DDB1: variants seen among roughly 807,000 people sequenced by gnomAD.
The protein encoded by DDB1 is damage specific DNA binding protein 1, also known as DNA damage-binding protein 1.
DDB1 carries 18 observed loss-of-function variants against 133.1 expected under a neutral mutation model. The observed-to-expected ratio is 0.14, with a 90% CI of 0.09 to 0.20. DDB1 has a LOEUF of 0.20. DDB1 is among the 10% of genes least tolerant of loss of function. The pLI is 1.00. For missense variants in DDB1, 828 were observed against 1,459.2 expected, an observed-to-expected ratio of 0.57 and a Z score of 7.05; for synonymous variants, 580 against 550.5, an observed-to-expected ratio of 1.05 and a Z score of -0.75.
At chr11:61,316,751 G>A (rs777911860) in intron 10 of DDB1, among the ~76,000 whole-genome samples, 184 bp from the exon 11 acceptor site, 3 of 150,928 alleles carry the variant, frequency 2.0e-5, no homozygotes, top group Non-Finnish European at 4.4e-5. Context: ...GAGAGACCTT[G>A]TCCCTGCTAA....
intron 9 of DDB1, 32 bp downstream of exon 9, chr11:61,322,264 T>C: frequency 1.9e-6 from 3 of 1,555,552 alleles, no homozygotes; most frequent in Non-Finnish European, 2.7e-6. Flanking sequence ...AGTGGGCATA[T>C]ACCAACTATC....
chr11:61,321,530 C>G, intron 10 of DDB1, 65 bp downstream of exon 10: 1 of 1,509,866 alleles, frequency 6.6e-7, no homozygotes, highest in Non-Finnish European at 9.2e-7. Flanking sequence ...AACGCCTTCA[C>G]AACATGTAAC....
At chr11:61,315,017 A>G (rs1325798489) in intron 12 of DDB1, 3 of 151,844 alleles carry the variant, frequency 2.0e-5, no homozygotes, top group Non-Finnish European at 4.4e-5. Flanking sequence ...TTGAGTAGAG[A>G]TGGGGTTTCA....
chr11:61,327,965 A>G (rs557396006), intron 4 of DDB1, among the ~76,000 whole-genome samples: 2 of 152,370 alleles, frequency 1.3e-5, no homozygotes, highest in African/African-American at 4.8e-5. Flanking sequence ...TTGGCTGATG[A>G]AAACATTTTC....
chr11:61,331,057 T>C (rs1241188958), intron 2 of DDB1, among the ~76,000 whole-genome samples: 1 of 152,162 alleles, frequency 6.6e-6, no homozygotes, highest in Non-Finnish European at 1.5e-5. Context: ...ATCTGAAAGG[T>C]GCCTTAAGTG....
intron 5 of DDB1, among the ~76,000 whole-genome samples, chr11:61,326,539 C>G (rs1856273586): frequency 6.6e-6 from 1 of 151,984 alleles, no homozygotes; most frequent in African/African-American, 2.4e-5. Context: ...ATAGTCAATC[C>G]CTCCACCCAA....
In DDB1 at chr11:61,333,012, G is replaced by A. The variant is rs1344751854; in HGVS notation, c.-44C>T. 1.4e-6 allele frequency: 2 copies of A among 1,458,256 alleles called. No homozygotes were observed. The highest frequency in any genetic ancestry group is 1.5e-5 in the African/African-American group (1 of 67,714). The allele number at this position is 1,458,256 out of a possible 1,614,324, so 90.3% of individuals were successfully genotyped here. ...CCGTCGGGACTCGAGCGCGACACTAGAAAGAGGGACACAAGCGAAAAGACA... is the reference window on the plus strand; with the variant it reads ...CCGTCGGGACTCGAGCGCGACACTAAAAAGAGGGACACAAGCGAAAAGACA... On this transcript the variant is annotated 5_prime_UTR_variant, in exon 1 of 27. Transcript: ENST00000301764.
chr11:61,306,072 C>T (rs967520174), intron 21 of DDB1, among the ~76,000 whole-genome samples: 13 of 152,164 alleles, frequency 8.5e-5, no homozygotes, highest in African/African-American at 2.7e-4. Flanking sequence ...TGACATACAT[C>T]GCTCATATAA....
Position 61,324,065 on chromosome 11 carries a change from G to A in DDB1, c.835C>T (p.Arg279Trp). 6.2e-7 allele frequency: 1 copy of A among 1,614,146 alleles called. No homozygotes were observed. The highest frequency in any genetic ancestry group is 8.5e-7 in the Non-Finnish European group (1 of 1,180,024). ...TTCTCCAAAAGCAGCATGAAGAGCCGGCCTTCCATGTCTCCCAGCAGGTAT... is the reference window on the plus strand; with the variant it reads ...TTCTCCAAAAGCAGCATGAAGAGCCAGCCTTCCATGTCTCCCAGCAGGTAT... ...SRYLLGDMEG[R>W]LFMLLLEKEE... Residue 279 changes from arginine (R) to tryptophan (W), a missense_variant, in exon 7 of 27, where the codon CGG becomes TGG. Arg to Trp is a moderately radical substitution (Grantham distance 101, BLOSUM62 -3). Around this residue, in one of 7 missense-constraint regions of DDB1, gnomAD observed 35 missense variants for 57.5 expected, o/e 0.61. Coordinates refer to ENST00000301764, the MANE Select transcript of DDB1 (RefSeq NM_001923.5).
intron 10 of DDB1, among the ~76,000 whole-genome samples, chr11:61,320,123 A>T: frequency 6.6e-6 from 1 of 152,096 alleles, no homozygotes; most frequent in Non-Finnish European, 1.5e-5. Flanking sequence ...TATTGTCTAT[A>T]GTAGTTTTTT....
intron 10 of DDB1, among the ~76,000 whole-genome samples, chr11:61,320,300 AAGT>A (rs1280937426): frequency 6.6e-6 from 1 of 151,694 alleles, no homozygotes; most frequent in African/African-American, 2.4e-5. Flanking sequence ...TCCCAGGTTC[AAGT>A]GCCTCTCCCG....
rs1855820976 is a variant in DDB1 at position 61,302,758 on chromosome 11, G to A, written c.2943-7C>T. The A allele has an allele frequency of 1.2e-6, 2 of 1,613,984 alleles. No homozygotes were observed. The highest frequency in any genetic ancestry group is 1.7e-5 in the Admixed American group (1 of 60,008). ...CTCGTCAGTGGTGGCAGCGCTGAAA[G>A]GCGGTAAGAAAGTCACTTTCTGAAC... On this transcript the variant is annotated splice_region_variant and splice_polypyrimidine_tract_variant and intron_variant, in intron 23 of 26. Transcript: ENST00000301764.
rs753184052 is a variant in DDB1 at position 61,324,163 on chromosome 11, TAG to T, written c.763-28_763-27del. The T allele has an allele frequency of 6.2e-6, 10 of 1,613,354 alleles. No homozygotes were observed. The African/African-American group carries it at 1.3e-4, about 22-fold the overall frequency. On this transcript the variant is annotated intron_variant, in intron 6 of 26. Transcript: ENST00000301764. ...CTGCCAATTGGAAGGAAACAGTCAT[TAG>T]AGATTCAGCATCTTCTACACCAGAA...
chr11:61,316,244 T>A (rs1282587045), intron 12 of DDB1, 41 bp downstream of exon 12: 1 of 1,570,638 alleles, frequency 6.4e-7, no homozygotes, highest in East Asian at 2.2e-5. Flanking sequence ...TCTAGGTCAA[T>A]TCAAGTATAT....
chr11:61,317,841 T>C (rs1856117255), intron 10 of DDB1, among the ~76,000 whole-genome samples: 1 of 152,144 alleles, frequency 6.6e-6, no homozygotes, highest in Admixed American at 6.5e-5. Flanking sequence ...AAAAGTCTCA[T>C]TCCCATACCT....
At chr11:61,309,258 T>C (rs757168131) in intron 20 of DDB1, among the ~76,000 whole-genome samples, 181 bp from the exon 21 acceptor site, 3 of 152,088 alleles carry the variant, frequency 2.0e-5, no homozygotes, top group Non-Finnish European at 4.4e-5. Context: ...CCCAAGATAA[T>C]GTGCAGAGAA....
chr11:61,300,316 A>C, intron 26 of DDB1, 97 bp from the exon 27 acceptor site: 2 of 1,264,444 alleles, frequency 1.6e-6, no homozygotes, highest in Non-Finnish European at 1.1e-6. Flanking sequence ...ACAAGACTCC[A>C]CCATTGTCAT....
rs575357245 is a variant in DDB1, at chr11:61,330,745, T to G, written c.211-671A>C. On this transcript the variant is annotated intron_variant, in intron 2 of 26. Transcript: ENST00000301764. Reference sequence around the variant, plus strand: ...ATCTCCACTCACTGCAACCTCCGCCTCCTGAGTTCAAGCAATTCTTGTGCC... The same window carrying G: ...ATCTCCACTCACTGCAACCTCCGCCGCCTGAGTTCAAGCAATTCTTGTGCC... Among the ~76,000 whole-genome samples, 13 of 152,122 alleles carry G rather than the reference T, an allele frequency of 8.5e-5. No individual in the cohort carries two copies. The East Asian group carries it at 2.3e-3, about 27-fold the overall frequency.
intron 5 of DDB1, chr11:61,326,240 G>A (rs1856268157): frequency 8.8e-6 from 2 of 227,642 alleles, no homozygotes. Context: ...GACAGGCATG[G>A]GCAGGTCCCT....
Sources: gnomAD v4.1 joint callset for allele counts (sites outside exome capture counted in the v4.1 genomes callset) on GRCh38, gnomAD v4.1.1 for gene constraint, gnomAD v4.1.1 regional missense constraint, MANE v1.5 for transcripts, NCBI Gene and HGNC (gene_info 2026-07-23, HGNC 2026-07-21) for gene names.